The following ARMC2 variants were observed in gnomAD, a reference collection of about 807,000 sequenced individuals.
The protein encoded by ARMC2 is armadillo repeat containing 2.
A neutral mutation model predicts 90.3 loss-of-function variants in ARMC2; 67 were observed. The observed-to-expected ratio is 0.74, with a 90% CI of 0.61 to 0.91. The LOEUF (loss-of-function observed/expected upper bound fraction) is 0.91. Ranked by LOEUF, ARMC2 falls within the 40% of genes least tolerant of loss-of-function variation. The pLI, the probability that ARMC2 is intolerant of heterozygous loss-of-function variation, is 0.00. For synonymous variants in ARMC2, 393 were observed against 393.0 expected, an observed-to-expected ratio of 1.00 and a Z score of 0.00; for missense variants, 920 against 1,030.9, an observed-to-expected ratio of 0.89 and a Z score of 1.47.
At chr6:108,871,258 G>A (rs1776384236) in intron 4 of ARMC2, among the ~76,000 whole-genome samples, 1 of 152,130 alleles carries the variant, frequency 6.6e-6, no homozygotes, top group Non-Finnish European at 1.5e-5. Context: ...ACCCAGCTGT[G>A]TTTTACTTGT....
At chr6:108,849,558 C>G (rs184245931) in intron 1 of ARMC2, among the ~76,000 whole-genome samples, 5 of 152,276 alleles carry the variant, frequency 3.3e-5, no homozygotes, top group Non-Finnish European at 7.3e-5. Flanking sequence ...TATAGAAACA[C>G]TGAACAAACG....
the ARMC2 span, chr6:108,987,658 G>A: frequency 8.0e-7 from 1 of 1,253,212 alleles, no homozygotes; most frequent in Non-Finnish European, 1.2e-6. Flanking sequence ...CATCATATAA[G>A]GAAGGGTTAC....
chr6:109,013,714 C>T, the ARMC2 span, among the ~76,000 whole-genome samples: 1 of 152,094 alleles, frequency 6.6e-6, no homozygotes, highest in Non-Finnish European at 1.5e-5. Flanking sequence ...GCCATTAAAC[C>T]AAAGAACTCC....
At chr6:108,870,891 G>A (rs1381100553) in intron 4 of ARMC2, among the ~76,000 whole-genome samples, 1 of 146,100 alleles carries the variant, frequency 6.8e-6, no homozygotes, top group Admixed American at 6.7e-5. Context: ...AATGACAGGA[G>A]AACAAATAAG....
intron 12 of ARMC2, among the ~76,000 whole-genome samples, chr6:108,950,425 A>C (rs138964042): frequency 6.6e-6 from 1 of 152,226 alleles, no homozygotes; most frequent in Non-Finnish European, 1.5e-5. Flanking sequence ...CATATACATC[A>C]TGGAATACCA....
the ARMC2 span, chr6:109,001,530 T>C: frequency 1.3e-6 from 2 of 1,555,674 alleles, no homozygotes. Flanking sequence ...AATGGTAAAT[T>C]GGTGTTAAGG....
At chr6:108,934,483 G>A (rs1362474479) in intron 11 of ARMC2, among the ~76,000 whole-genome samples, 6 of 152,034 alleles carry the variant, frequency 3.9e-5, no homozygotes, top group African/African-American at 1.4e-4. Context: ...TCCTTGTCTG[G>A]GTTTAGTGTA....
Position 108,857,175 on chromosome 6 carries a change from C to A in ARMC2, c.219-1024C>A, listed in dbSNP as rs549010743. Among the ~76,000 whole-genome samples the A allele has an allele frequency of 3.3e-5, 5 of 152,310 alleles. No homozygotes were observed. In the East Asian group the frequency reaches 9.6e-4, roughly 29 times the overall value. ...AAGTTGGGAAGAACTGACATATTGA[C>A]AATATTGAGTCTTCCTAGCCATGAA... On this transcript the variant is annotated intron_variant, in intron 2 of 17. Transcript: ENST00000392644.
intron 12 of ARMC2, among the ~76,000 whole-genome samples, chr6:108,947,414 C>A (rs115041751): frequency 1.3e-5 from 2 of 152,176 alleles, no homozygotes; most frequent in African/African-American, 4.8e-5. Context: ...TCAGTTTCAA[C>A]ATCTCTAAAT....
rs1391831886 is a variant in ARMC2, at chr6:108,965,132, C to T, written c.2438C>T (p.Ser813Leu). ...DTNTLLLLLS[S>L]FLDEELALDG... is the part of the protein sequence containing the mutation. The stretch of plus-strand genomic sequence containing the variant: ...AACACACTCTTACTCTTGCTCTCAT[C>T]ATTTTTAGGTAAGACTCTTGACTAT... Residue 813 changes from serine to leucine, a missense_variant, in exon 17 of 18, where the codon TCA becomes TTA. By Grantham distance (145) the Ser-to-Leu change is moderately radical. Coordinates refer to ENST00000392644, the MANE Select transcript of ARMC2 (RefSeq NM_032131.6). The T allele has an allele frequency of 6.2e-7, 1 of 1,603,442 alleles. No homozygotes were observed. The highest frequency in any genetic ancestry group is 1.1e-5 in the South Asian group (1 of 90,708).
chr6:108,883,420 T>C (rs933650967), intron 5 of ARMC2, among the ~76,000 whole-genome samples: 18 of 152,310 alleles, frequency 1.2e-4, no homozygotes, highest in Middle Eastern at 3.4e-3. Flanking sequence ...ATGATTTTGT[T>C]TTCGTATTGG....
At chr6:108,864,706 T>C (rs1479047081) in intron 3 of ARMC2, among the ~76,000 whole-genome samples, 3 of 152,172 alleles carry the variant, frequency 2.0e-5, no homozygotes, top group Non-Finnish European at 2.9e-5. Flanking sequence ...TCACATAGGA[T>C]CGGGGGAGAC....
At chr6:109,007,264 G>GT in the ARMC2 span, among the ~76,000 whole-genome samples, 6 of 152,250 alleles carry the variant, frequency 3.9e-5, no homozygotes, top group Non-Finnish European at 7.4e-5. Context: ...CAATGTTTGT[G>GT]TACTGAAAAG....
chr6:108,893,180 C>G (rs1771263148), intron 5 of ARMC2, among the ~76,000 whole-genome samples: 1 of 152,170 alleles, frequency 6.6e-6, no homozygotes, highest in South Asian at 2.1e-4. Flanking sequence ...AGCATGTAAT[C>G]CTGCTGTTGG....
the ARMC2 span, among the ~76,000 whole-genome samples, chr6:109,030,631 G>C: frequency 6.6e-6 from 1 of 152,130 alleles, no homozygotes; most frequent in Non-Finnish European, 1.5e-5. Flanking sequence ...AAAAAAATAA[G>C]TCTGGAATCT....
In ARMC2 at chr6:108,868,813, T is replaced by C. The variant is rs1776092602; in HGVS notation, c.292-11T>C. ...AAGTCATTCCAGTTATTTAAAAAAATCTCTTTCCAGAAACCGAAAGTTCCA... is the reference window on the plus strand; with the variant it reads ...AAGTCATTCCAGTTATTTAAAAAAACCTCTTTCCAGAAACCGAAAGTTCCA... On this transcript the variant is annotated splice_polypyrimidine_tract_variant and intron_variant, in intron 3 of 17. Transcript: ENST00000392644. 2 of 1,610,550 alleles carry C rather than the reference T, an allele frequency of 1.2e-6. No individual in the cohort carries two copies. Among genetic ancestry groups the C allele is most frequent in the African/African-American group, 1.3e-5 (1 of 74,590 alleles).
chr6:108,890,587 G>A (rs1294909691), intron 5 of ARMC2, among the ~76,000 whole-genome samples: 1 of 151,706 alleles, frequency 6.6e-6, no homozygotes, highest in Non-Finnish European at 1.5e-5. Context: ...TAATGATGAG[G>A]AAACCAAAGC....
chr6:108,908,006 G>GTTCCCAGGA, intron 8 of ARMC2: 3 of 824,720 alleles, frequency 3.6e-6, no homozygotes, highest in African/African-American at 1.7e-5. Context: ...TTTTCCTCCT[G>GTTCCCAGGA]GGAACAGAAG....
chr6:108,892,823 G>A (rs1444651968), intron 5 of ARMC2, among the ~76,000 whole-genome samples: 2 of 151,788 alleles, frequency 1.3e-5, no homozygotes, highest in Non-Finnish European at 1.5e-5. Context: ...ATTTGGAGAA[G>A]CTAATCTTCA....
Sources: gnomAD v4.1 joint callset for allele counts (sites outside exome capture counted in the v4.1 genomes callset) on GRCh38, gnomAD v4.1.1 for gene constraint, MANE v1.5 for transcripts, NCBI Gene and HGNC (gene_info 2026-07-23, HGNC 2026-07-21) for gene names.